The following ADGRB1 variants were observed in gnomAD, a reference collection of about 807,000 sequenced individuals.
The protein encoded by ADGRB1 is brain-specific angiogenesis inhibitor 1.
Under a neutral mutation model 175.7 loss-of-function variants are expected in ADGRB1, and 36 were observed. That is an observed-to-expected ratio of 0.20 (90% CI 0.16 to 0.27). The LOEUF (loss-of-function observed/expected upper bound fraction) is 0.27, where lower values mean the gene tolerates loss of function less well. Among genes scored for constraint, ADGRB1 ranks in the 10% least tolerant of loss-of-function variants. The probability of loss-of-function intolerance (pLI) is 1.00; values close to 1 mark genes in which losing one functional copy is unlikely to be tolerated. For missense variants in ADGRB1, 1,731 were observed against 2,255.3 expected, an observed-to-expected ratio of 0.77 and a Z score of 4.71; for synonymous variants, 1,054 against 979.4, an observed-to-expected ratio of 1.08 and a Z score of -1.42.
At chr8:142,484,524 G>C in intron 12 of ADGRB1, 132 bp from the exon 13 acceptor site, 1 of 936,046 alleles carries the variant, frequency 1.1e-6, no homozygotes, top group East Asian at 2.7e-5. Flanking sequence ...GGTACTCAGA[G>C]GTCACCAGCC....
At position 142,537,101 on chromosome 8, in the gene ADGRB1, G is replaced by C; in HGVS notation, c.3666+19G>C. Reference sequence around the variant, plus strand: ...GCTCATGGTAGGACTCAGGGCCCGGGGACTCAGGCTGCCCTACCTGCCTCG... The same window carrying C: ...GCTCATGGTAGGACTCAGGGCCCGGCGACTCAGGCTGCCCTACCTGCCTCG... On this transcript the variant is annotated intron_variant, in intron 26 of 30. Coordinates refer to ENST00000517894, the MANE Select transcript of ADGRB1 (RefSeq NM_001702.3). The surrounding 1 kb of genome is among the most constrained non-coding windows in gnomAD (Gnocchi z 4.6). 3 of 1,466,668 alleles carry C rather than the reference G, an allele frequency of 2.0e-6. No homozygotes were observed. The highest frequency in any genetic ancestry group is 2.7e-6 in the Non-Finnish European group (3 of 1,105,438). The allele number at this position is 1,466,668 out of a possible 1,614,324, so 90.9% of individuals were successfully genotyped here. A position where few individuals can be genotyped will look rare whatever the true frequency, so the allele number is the denominator to read the frequency against.
intron 6 of ADGRB1, 56 bp downstream of exon 6, chr8:142,477,605 A>T (rs967358424): frequency 2.6e-6 from 4 of 1,565,152 alleles, no homozygotes; most frequent in Admixed American, 1.8e-5. Context: ...GGGAGGTCAC[A>T]GTGGGCCACC....
At chr8:142,531,809 A>T (rs1286996139) in intron 24 of ADGRB1, among the ~76,000 whole-genome samples, 1 of 152,146 alleles carries the variant, frequency 6.6e-6, no homozygotes, top group Non-Finnish European at 1.5e-5. Flanking sequence ...AGAGGGCCGG[A>T]TGGAGGAGAG....
At chr8:142,479,030 G>A (rs1841177943) in intron 7 of ADGRB1, 2 of 351,886 alleles carry the variant, frequency 5.7e-6, no homozygotes, top group South Asian at 1.7e-4. Flanking sequence ...TGTCTGTGGG[G>A]AAGTGGAGTG....
intron 1 of ADGRB1, among the ~76,000 whole-genome samples, chr8:142,453,700 T>C (rs1044452939): frequency 8.6e-5 from 13 of 151,986 alleles, no homozygotes; most frequent in Non-Finnish European, 2.9e-5. Flanking sequence ...GAGGGCGTGG[T>C]CCTGTGCAAT....
rs994870823 is a variant in ADGRB1 at position 142,474,788 on chromosome 8, C to A, written c.785-686C>A. Among the ~76,000 whole-genome samples, 1 of 152,100 alleles carries A rather than the reference C, an allele frequency of 6.6e-6. No homozygotes were observed. The highest frequency in any genetic ancestry group is 1.5e-5 in the Non-Finnish European group (1 of 67,996). The stretch of plus-strand genomic sequence containing the variant: ...CTGAACAGAGCGGCCGGGGTCAGGG[C>A]AGGGGCGTGGCGGGGAGGCGCCTGC... On this transcript the variant is annotated intron_variant, in intron 2 of 30. Coordinates refer to ENST00000517894, the MANE Select transcript of ADGRB1 (RefSeq NM_001702.3). This position sits in a 1 kb window ranked among gnomAD's most constrained non-coding sequence, Gnocchi z 5.8.
intron 17 of ADGRB1, among the ~76,000 whole-genome samples, chr8:142,505,984 CA>C (rs1343959050): frequency 9.2e-5 from 14 of 152,304 alleles, no homozygotes; most frequent in African/African-American, 2.9e-4. Context: ...CCCATTCATT[CA>C]CGCGCAGGCG....
At chr8:142,515,764 T>A (rs1587388376) in intron 18 of ADGRB1, among the ~76,000 whole-genome samples, 1 of 151,450 alleles carries the variant, frequency 6.6e-6, no homozygotes, top group Non-Finnish European at 1.5e-5. Context: ...GGCAGGTGAG[T>A]TTTGATGGGA....
At chr8:142,533,705 C>T (rs975472367) in intron 25 of ADGRB1, among the ~76,000 whole-genome samples, 3 of 152,162 alleles carry the variant, frequency 2.0e-5, no homozygotes, top group Non-Finnish European at 2.9e-5. Flanking sequence ...GCCCTGCGCC[C>T]GCACTGGCTT....
Position 142,484,672 on chromosome 8 carries a change from A to C in ADGRB1, c.2216A>C (p.Lys739Thr). The change falls in exon 13 of 31, where the codon AAG (lysine) becomes ACG (threonine). Residue 739 changes from lysine (K) to threonine (T), a missense_variant. Lys to Thr is a moderately conservative substitution (Grantham distance 78). This residue lies in a region of ADGRB1 where 388 missense variants were observed against 630.9 expected (regional missense o/e 0.61). Coordinates refer to ENST00000517894, the MANE Select transcript of ADGRB1 (RefSeq NM_001702.3). Reference protein sequence around the residue: ...EEAQLAGPNAKELFRLVEDFV... With the variant: ...EEAQLAGPNATELFRLVEDFV... ...GCCCTCCAGGCGGGCCCCAACGCCA[A>C]GGAGCTGTTCCGGCTGGTGGAGGAC... The C allele has an allele frequency of 6.2e-7, 1 of 1,610,812 alleles. No homozygotes were observed. Among genetic ancestry groups the C allele is most frequent in the Non-Finnish European group, 8.5e-7 (1 of 1,178,852 alleles).
At chr8:142,482,221 C>T (rs949219209) in intron 11 of ADGRB1, among the ~76,000 whole-genome samples, 1 of 145,102 alleles carries the variant, frequency 6.9e-6, no homozygotes, top group African/African-American at 2.6e-5. Context: ...GAGCCCTGAT[C>T]CTGGTCACAC....
In ADGRB1 at chr8:142,504,222, G is replaced by A. The variant is rs1842754030; in HGVS notation, c.2676-6710G>A. Among the ~76,000 whole-genome samples, 1 of 152,158 alleles carries A rather than the reference G, an allele frequency of 6.6e-6. No individual in the cohort carries two copies. The highest frequency in any genetic ancestry group is 1.5e-5 in the Non-Finnish European group (1 of 68,020). On this transcript the variant is annotated intron_variant, in intron 17 of 30. Transcript: ENST00000517894. This position sits in a 1 kb window ranked among gnomAD's most constrained non-coding sequence, Gnocchi z 5.6. Reference sequence around the variant, plus strand: ...GCCTCACAGACTGGCAGCCAGACAGGGGCTGGGCATGGAGTGGGAGTCAAG... The same window carrying A: ...GCCTCACAGACTGGCAGCCAGACAGAGGCTGGGCATGGAGTGGGAGTCAAG...
intron 1 of ADGRB1, among the ~76,000 whole-genome samples, chr8:142,460,056 T>TG (rs1839893761): frequency 6.6e-6 from 1 of 152,228 alleles, no homozygotes; most frequent in Non-Finnish European, 1.5e-5. Flanking sequence ...TGGGCTGCAG[T>TG]GCCCGGCTCG....
At chr8:142,535,530 CGGG>C (rs993170835) in intron 25 of ADGRB1, among the ~76,000 whole-genome samples, 1 of 152,158 alleles carries the variant, frequency 6.6e-6, no homozygotes, top group Non-Finnish European at 1.5e-5. Context: ...TCCTCAGCCT[CGGG>C]GGTGGTGGCC....
chr8:142,469,262 T>C (rs1840463315), intron 2 of ADGRB1, among the ~76,000 whole-genome samples: 1 of 150,260 alleles, frequency 6.7e-6, no homozygotes, highest in African/African-American at 2.4e-5. Flanking sequence ...TGTGTGAATG[T>C]GTGTGCACGT....
intron 17 of ADGRB1, among the ~76,000 whole-genome samples, chr8:142,495,808 A>C (rs1473874738): frequency 6.6e-6 from 1 of 152,052 alleles, no homozygotes; most frequent in Admixed American, 6.6e-5. Flanking sequence ...ATGTTTCCAA[A>C]TAAAATCATA....
Position 142,478,364 on chromosome 8 carries a change from AG to A in ADGRB1, c.1561+8del. On this transcript the variant is annotated splice_donor_5th_base_variant and intron_variant, in intron 7 of 30. Coordinates refer to ENST00000517894, the MANE Select transcript of ADGRB1 (RefSeq NM_001702.3). The stretch of plus-strand genomic sequence containing the variant: ...TGCTTCCTGCAGCAGTGCCCAGGTC[AG>A]GGGTGCGCCAGGCTGGGGTCGGGGG... 1 of 1,593,930 alleles carries A rather than the reference AG, an allele frequency of 6.3e-7. No individual in the cohort carries two copies. The highest frequency in any genetic ancestry group is 8.6e-7 in the Non-Finnish European group (1 of 1,169,074).
rs1355865033 is a variant in ADGRB1, at chr8:142,543,479, G to A, written c.4449+41G>A. On this transcript the variant is annotated intron_variant, in intron 29 of 30. Coordinates refer to ENST00000517894, the MANE Select transcript of ADGRB1 (RefSeq NM_001702.3). This position sits in a 1 kb window ranked among gnomAD's most constrained non-coding sequence, Gnocchi z 4.4. Reference sequence around the variant, plus strand: ...CCCCCCCACCAGACACTTAGGGCCAGATGTGCTCTGGGCTCCCACACGGCC... The same window carrying A: ...CCCCCCCACCAGACACTTAGGGCCAAATGTGCTCTGGGCTCCCACACGGCC... The A allele has an allele frequency of 1.3e-5, 21 of 1,612,734 alleles. No homozygotes were observed. Among genetic ancestry groups the A allele is most frequent in the Non-Finnish European group, 1.6e-5 (19 of 1,179,374 alleles).
At chr8:142,475,722 A>C in intron 3 of ADGRB1, 87 bp downstream of exon 3, 6 of 75,196 alleles carry the variant, frequency 8.0e-5, no homozygotes, top group Non-Finnish European at 6.6e-5. Context: ...CCTGGAGAGG[A>C]GGGGCCCGTG....
Sources: allele counts gnomAD v4.1 joint callset (sites outside exome capture counted in the v4.1 genomes callset), GRCh38; gene constraint gnomAD v4.1.1; regional missense constraint gnomAD v4.1.1; non-coding constraint Gnocchi (gnomAD v3.1); transcripts MANE v1.5; gene names NCBI Gene and HGNC (gene_info 2026-07-23, HGNC 2026-07-21).